The following GRHL2 variants were observed in gnomAD, a reference collection of about 807,000 sequenced individuals.
The protein encoded by GRHL2 is grainyhead like transcription factor 2.
GRHL2 carries 21 observed loss-of-function variants against 83.8 expected under a neutral mutation model. The ratio of observed to expected loss-of-function variants is 0.25; its 90% CI spans 0.18 to 0.36. The LOEUF (loss-of-function observed/expected upper bound fraction) is 0.36. GRHL2 is among the 10% of genes least tolerant of loss of function. GRHL2 has a pLI of 1.00. For synonymous variants in GRHL2, 280 were observed against 278.9 expected (o/e 1.00, Z -0.04); for missense variants, 623 against 781.8 (o/e 0.80, Z 2.42).
At chr8:101,592,854 C>A (rs1158942729) in intron 7 of GRHL2, among the ~76,000 whole-genome samples, 1 of 152,150 alleles carries the variant, frequency 6.6e-6, no homozygotes, top group Non-Finnish European at 1.5e-5. Context: ...AACATTTTGG[C>A]TATATCTCTG....
chr8:101,613,635 A>G (rs936551657), intron 8 of GRHL2, among the ~76,000 whole-genome samples: 1 of 151,142 alleles, frequency 6.6e-6, no homozygotes, highest in African/African-American at 2.5e-5. Context: ...CAATCCTATC[A>G]AAGTGGAAGA....
chr8:101,562,479 CA>C, intron 4 of GRHL2: 1 of 338,198 alleles, frequency 3.0e-6, no homozygotes, highest in Non-Finnish European at 5.4e-6. Context: ...TAACACTTCT[CA>C]ATATGCATAT....
chr8:101,548,127 G>A (rs1207402737), intron 2 of GRHL2, among the ~76,000 whole-genome samples: 1 of 152,082 alleles, frequency 6.6e-6, no homozygotes, highest in Non-Finnish European at 1.5e-5. Context: ...TGGTTGATTT[G>A]TTTGTCCATC....
rs536377555 is a variant in GRHL2, at chr8:101,539,032, A to G, written c.21-4209A>G. Among the ~76,000 whole-genome samples, 89 of 152,358 alleles carry G rather than the reference A, an allele frequency of 5.8e-4. 1 individual carries two copies. The South Asian group carries it at 0.011, about 18-fold the overall frequency. ...TTTATGAGCAAAGCTTTGTGCTAGG[A>G]AAGATGAAATCAGCAAGCTAAGAGA... On this transcript the variant is annotated intron_variant, in intron 1 of 15. Coordinates refer to ENST00000646743, the MANE Select transcript of GRHL2 (RefSeq NM_024915.4).
At chr8:101,505,908 G>A (rs965369197) in intron 1 of GRHL2, among the ~76,000 whole-genome samples, 16 of 152,156 alleles carry the variant, frequency 1.1e-4, no homozygotes, top group Admixed American at 2.0e-4. Flanking sequence ...CCCAGGACAC[G>A]TTGAATTACA....
intron 14 of GRHL2, among the ~76,000 whole-genome samples, chr8:101,657,334 A>G (rs1047461503): frequency 2.0e-5 from 3 of 152,168 alleles, no homozygotes; most frequent in East Asian, 3.8e-4. Flanking sequence ...TATCATGTAC[A>G]TGAGGTTTTT....
chr8:101,676,112 AG>A, the GRHL2 span, among the ~76,000 whole-genome samples: 2 of 151,464 alleles, frequency 1.3e-5, no homozygotes, highest in Non-Finnish European at 3.0e-5. Context: ...AAACCCTAGA[AG>A]AAAACCTAGG....
intron 13 of GRHL2, among the ~76,000 whole-genome samples, chr8:101,645,116 ATTTTTTTTTTTTTTTTTTTTTTTTTTT>A (rs553249046): frequency 8.5e-6 from 1 of 117,344 alleles, no homozygotes; most frequent in East Asian, 2.6e-4. Flanking sequence ...GCAGTACAGA[ATTTTTTTTTTTTTTTTTTTTTTTTTTT>A]TTTTTTTTTT....
At chr8:101,511,413 T>C (rs1189976277) in intron 1 of GRHL2, among the ~76,000 whole-genome samples, 1 of 152,180 alleles carries the variant, frequency 6.6e-6, no homozygotes, top group African/African-American at 2.4e-5. Flanking sequence ...ATCTTATCAG[T>C]CTTTTTCAAC....
chr8:101,647,053 G>T (rs943678377), intron 13 of GRHL2, among the ~76,000 whole-genome samples: 8 of 152,218 alleles, frequency 5.3e-5, no homozygotes, highest in African/African-American at 1.7e-4. Context: ...CAAAAGAGGA[G>T]ATTTGTAAAT....
chr8:101,596,334 C>T (rs1465107802), intron 7 of GRHL2, among the ~76,000 whole-genome samples: 1 of 152,060 alleles, frequency 6.6e-6, no homozygotes, highest in Non-Finnish European at 1.5e-5. Flanking sequence ...TTACTGTGAA[C>T]GTCAATTGTT....
chr8:101,570,619 A>G (rs541318866), intron 5 of GRHL2, among the ~76,000 whole-genome samples: 1 of 151,264 alleles, frequency 6.6e-6, no homozygotes, highest in African/African-American at 2.4e-5. Context: ...TCTGTTGGCT[A>G]GACATTCTTT....
chr8:101,598,236 A>G (rs1402400397), intron 7 of GRHL2, among the ~76,000 whole-genome samples: 3 of 119,390 alleles, frequency 2.5e-5, no homozygotes, highest in Admixed American at 2.4e-4. Flanking sequence ...CCTAAGTCCA[A>G]AAAGATTTTT....
At chr8:101,562,551 A>G (rs1811629675) in intron 4 of GRHL2, 2 of 239,228 alleles carry the variant, frequency 8.4e-6, no homozygotes, top group Non-Finnish European at 1.6e-5. Context: ...TAATTTTTAT[A>G]TATGGTGTGA....
rs1813573231 is a variant in GRHL2 at position 101,649,269 on chromosome 8, G to C, written c.1613-145G>C. 5.7e-6 allele frequency: 4 copies of C among 702,078 alleles called. No homozygotes were observed. The East Asian group carries it at 1.1e-4, about 19-fold the overall frequency. 43.5% of individuals were successfully genotyped at this position (702,078 alleles called of 1,614,324 possible). A position where few individuals can be genotyped will look rare whatever the true frequency, so the allele number is the denominator to read the frequency against. ...TGGAGATGTCTCAGTCACCCTTGTT[G>C]AATGTTAGTTATCTGGACCAGGGTT... On this transcript the variant is annotated intron_variant, in intron 13 of 15. Coordinates refer to ENST00000646743, the MANE Select transcript of GRHL2 (RefSeq NM_024915.4).
chr8:101,577,269 A>G (rs1293227357), intron 6 of GRHL2, 139 bp from the exon 7 acceptor site: 3 of 698,362 alleles, frequency 4.3e-6, no homozygotes, highest in African/African-American at 1.7e-5. Flanking sequence ...CGGACCATAC[A>G]GCCAAGCTTG....
At position 101,573,686 on chromosome 8, in the gene GRHL2, C is replaced by T. The variant is rs567898885; in HGVS notation, c.753C>T (p.Thr251=). The change falls in exon 6 of 16, where the codon ACC becomes ACT. Residue 251 remains threonine (T), a synonymous_variant. Transcript: ENST00000646743. ...DQTSSGTFQY[T]LEATKSLRQK... ...TTCACAGTGGCACATTTCAGTACACCCTGGAAGCCACCAAATCTCTCCGTC... is the reference window on the plus strand; with the variant it reads ...TTCACAGTGGCACATTTCAGTACACTCTGGAAGCCACCAAATCTCTCCGTC... The T allele has an allele frequency of 1.5e-5, 24 of 1,614,086 alleles. No homozygotes were observed. The African/African-American group carries it at 2.7e-4, about 18-fold the overall frequency.
intron 4 of GRHL2, among the ~76,000 whole-genome samples, chr8:101,565,213 A>G (rs1811691346): frequency 6.6e-6 from 1 of 152,252 alleles, no homozygotes; most frequent in South Asian, 2.1e-4. Context: ...CAAAGAGTAT[A>G]GTTGATAAAT....
chr8:101,543,170 T>C (rs1811189999), intron 1 of GRHL2, 71 bp from the exon 2 acceptor site: 1 of 1,048,852 alleles, frequency 9.5e-7, no homozygotes, highest in Non-Finnish European at 1.5e-6. Context: ...AGTCATGTAA[T>C]ATGTATATTA....
Sources: gnomAD v4.1 joint callset for allele counts (sites outside exome capture counted in the v4.1 genomes callset) on GRCh38, gnomAD v4.1.1 for gene constraint, MANE v1.5 for transcripts, NCBI Gene and HGNC (gene_info 2026-07-23, HGNC 2026-07-21) for gene names.